The following PPP1CC variants were observed in gnomAD, a reference collection of about 807,000 sequenced individuals.
PPP1CC encodes serine/threonine-protein phosphatase PP1-gamma catalytic subunit.
PPP1CC carries 16 observed loss-of-function variants against 38.4 expected under a neutral mutation model. That is an observed-to-expected ratio of 0.42 (90% CI 0.28 to 0.63). The LOEUF (loss-of-function observed/expected upper bound fraction) is 0.63. PPP1CC is among the 30% of genes least tolerant of loss of function. The pLI, the probability that PPP1CC is intolerant of heterozygous loss-of-function variation, is 0.25. For synonymous variants in PPP1CC, 158 were observed against 136.0 expected, an observed-to-expected ratio of 1.16 and a Z score of -1.13; for missense variants, 170 against 391.3, an observed-to-expected ratio of 0.43 and a Z score of 4.77.
At chr12:110,737,497 A>AAAAAAAAAAAAAG (rs2069959460) in intron 1 of PPP1CC, among the ~76,000 whole-genome samples, 2 of 147,530 alleles carry the variant, frequency 1.4e-5, no homozygotes, top group African/African-American at 5.2e-5. Context: ...AAAAAAAAAA[A>AAAAAAAAAAAAAG]AAAAGAAAAG....
chr12:110,740,679 T>C (rs902706968), intron 1 of PPP1CC, among the ~76,000 whole-genome samples: 2 of 152,168 alleles, frequency 1.3e-5, no homozygotes, highest in South Asian at 4.1e-4. Flanking sequence ...AAGTGCCACA[T>C]AACAAGAGGA....
downstream of PPP1CC, among the ~76,000 whole-genome samples, chr12:110,718,039 ATTCCT>A (rs1295611558): frequency 6.6e-6 from 1 of 152,184 alleles, no homozygotes; most frequent in Non-Finnish European, 1.5e-5. Flanking sequence ...TTTGATTGAT[ATTCCT>A]TTCCATCAGT....
At chr12:110,714,438 G>A in the PPP1CC span, among the ~76,000 whole-genome samples, 28 of 152,078 alleles carry the variant, frequency 1.8e-4, no homozygotes, top group Middle Eastern at 0.02. Context: ...CCTCCTGAGC[G>A]GAGGACCATG....
rs369861718 is a variant in PPP1CC, at chr12:110,722,718, A to T, written c.524-23T>A. 1.0e-4 allele frequency: 164 copies of T among 1,567,102 alleles called. No homozygotes were observed. The highest frequency in any genetic ancestry group is 1.8e-4 in the Admixed American group (9 of 51,388). ...AACCTATTCAATGAGGAAAAAAAAA[A>T]AATGAAGAAAGCAGAACTTTTAAAA... On this transcript the variant is annotated intron_variant, in intron 4 of 6. Coordinates refer to ENST00000335007, the MANE Select transcript of PPP1CC (RefSeq NM_002710.4). This position sits in a 1 kb window ranked among gnomAD's most constrained non-coding sequence, Gnocchi z 5.4.
the PPP1CC span, among the ~76,000 whole-genome samples, chr12:110,711,583 G>A: frequency 6.6e-6 from 1 of 152,036 alleles, no homozygotes; most frequent in Non-Finnish European, 1.5e-5. Context: ...CCCAGGCGAT[G>A]GGTATGTGGG....
At chr12:110,737,959 A>G (rs1034373511) in intron 1 of PPP1CC, among the ~76,000 whole-genome samples, 2 of 152,060 alleles carry the variant, frequency 1.3e-5, no homozygotes, top group African/African-American at 2.4e-5. Flanking sequence ...TTCAAGGCAG[A>G]TAGGATGTGG....
At chr12:110,716,462 C>A (rs892079492), downstream of PPP1CC, among the ~76,000 whole-genome samples, 1 of 151,930 alleles carries the variant, frequency 6.6e-6, no homozygotes, top group African/African-American at 2.4e-5. Context: ...AAGCGATTCT[C>A]CTGCCTCAGC....
the PPP1CC span, among the ~76,000 whole-genome samples, chr12:110,712,471 C>T: frequency 6.6e-6 from 1 of 150,854 alleles, no homozygotes; most frequent in Non-Finnish European, 1.5e-5. Context: ...GAAAACCCGT[C>T]TCAACTAAAA....
Position 110,722,098 on chromosome 12 carries a change from C to G in PPP1CC, c.882+37G>C, listed in dbSNP as rs745351028. 1 of 1,610,682 alleles carries G rather than the reference C, an allele frequency of 6.2e-7. No homozygotes were observed. The highest frequency in any genetic ancestry group is 8.5e-7 in the Non-Finnish European group (1 of 1,177,594). ...TATTTTTCAATCAGCAAAGTGTAAA[C>G]ATATTAAAAGGAAATCATGTTGAAA... On this transcript the variant is annotated intron_variant, in intron 6 of 6. Coordinates refer to ENST00000335007, the MANE Select transcript of PPP1CC (RefSeq NM_002710.4). The surrounding 1 kb of genome is among the most constrained non-coding windows in gnomAD (Gnocchi z 5.4).
intron 3 of PPP1CC, chr12:110,726,257 T>C (rs1019628416): frequency 6.6e-6 from 1 of 152,230 alleles, no homozygotes; most frequent in Admixed American, 6.5e-5. Context: ...ACCACAGGGC[T>C]TGAAATGAAA....
chr12:110,716,985 C>T (rs544345112), downstream of PPP1CC, among the ~76,000 whole-genome samples: 28 of 152,298 alleles, frequency 1.8e-4, no homozygotes, highest in African/African-American at 6.0e-4. Flanking sequence ...GAAGCTCACA[C>T]GTTGGCAAGG....
intron 1 of PPP1CC, among the ~76,000 whole-genome samples, chr12:110,737,477 C>CAAAAAAAAAAAAAAAAAAAAA (rs71083137): frequency 4.9e-4 from 21 of 42,484 alleles, no homozygotes; most frequent in Admixed American, 1.4e-3. Flanking sequence ...AAGAAAGACT[C>CAAAAAAAAAAAAAAAAAAAAA]AAAAAAAAAA....
At chr12:110,708,850 C>CAAAA in the PPP1CC span, among the ~76,000 whole-genome samples, 2 of 65,418 alleles carry the variant, frequency 3.1e-5, no homozygotes, top group Non-Finnish European at 6.7e-5. Context: ...GAGTCCATCT[C>CAAAA]AAAAAAAAAA....
chr12:110,731,180 A>G (rs189004110), intron 2 of PPP1CC, among the ~76,000 whole-genome samples: 1 of 150,850 alleles, frequency 6.6e-6, no homozygotes, highest in East Asian at 2.0e-4. Flanking sequence ...ACAAAAGCAC[A>G]TACACACATA....
chr12:110,733,246 C>A (rs148505044), intron 1 of PPP1CC, among the ~76,000 whole-genome samples: 1 of 152,346 alleles, frequency 6.6e-6, no homozygotes, highest in Non-Finnish European at 1.5e-5. Context: ...CTTGGGCAGA[C>A]TGCCCAGCAG....
At chr12:110,726,890 C>T (rs956965643) in intron 3 of PPP1CC, among the ~76,000 whole-genome samples, 13 of 152,218 alleles carry the variant, frequency 8.5e-5, no homozygotes, top group Admixed American at 2.6e-4. Flanking sequence ...GAGCTGCTGT[C>T]TTAGCTCCCC....
intron 1 of PPP1CC, among the ~76,000 whole-genome samples, chr12:110,738,764 C>T (rs1379221983): frequency 6.6e-6 from 1 of 152,188 alleles, no homozygotes; most frequent in Non-Finnish European, 1.5e-5. Context: ...CTGCCTCCTG[C>T]TACTGACAGG....
chr12:110,716,304 TTATG>T (rs2069686631), downstream of PPP1CC, among the ~76,000 whole-genome samples: 1 of 152,174 alleles, frequency 6.6e-6, no homozygotes, highest in Non-Finnish European at 1.5e-5. Flanking sequence ...GTTCTTGAAC[TTATG>T]TAGGTAAAAT....
chr12:110,708,452 A>G, the PPP1CC span, among the ~76,000 whole-genome samples: 1 of 152,202 alleles, frequency 6.6e-6, no homozygotes, highest in Admixed American at 6.5e-5. Context: ...GTTATTACCA[A>G]TGGGATCTCC....
Sources: allele counts gnomAD v4.1 joint callset (sites outside exome capture counted in the v4.1 genomes callset), GRCh38; gene constraint gnomAD v4.1.1; non-coding constraint Gnocchi (gnomAD v3.1); transcripts MANE v1.5; gene names NCBI Gene and HGNC (gene_info 2026-07-23, HGNC 2026-07-21).